UGT3A1: variants seen among roughly 807,000 people sequenced by gnomAD.
UGT3A1 encodes UDP-glycosyltransferase 3A1.
Under a neutral mutation model 37.6 loss-of-function variants are expected in UGT3A1, and 40 were observed. The ratio of observed to expected loss-of-function variants is 1.06; its 90% CI spans 0.83 to 1.38. UGT3A1 has a LOEUF of 1.38. Ranked by LOEUF, UGT3A1 falls within the 40% of genes most tolerant of loss-of-function variation. UGT3A1 has a pLI of 0.00. For synonymous variants in UGT3A1, 256 were observed against 232.3 expected (o/e 1.10, Z -0.93); for missense variants, 642 against 634.2 (o/e 1.01, Z -0.13).
At chr5:35,960,526 C>A (rs146925467) in intron 4 of UGT3A1, among the ~76,000 whole-genome samples, 1 of 152,264 alleles carries the variant, frequency 6.6e-6, no homozygotes, top group East Asian at 1.9e-4. Flanking sequence ...AGCATGCAGA[C>A]GGGCAGGTGC....
chr5:35,955,657 A>C lies in UGT3A1; in HGVS notation c.1283T>G (p.Ile428Arg), dbSNP rs1739322140. 5 of 1,614,082 alleles carry C rather than the reference A, an allele frequency of 3.1e-6. No homozygotes were observed. Among genetic ancestry groups the C allele is most frequent in the Non-Finnish European group, 4.2e-6 (5 of 1,180,046 alleles). Residue 428 changes from isoleucine to arginine, a missense_variant, in exon 6 of 7, where the codon ATA becomes AGA. Transcript: ENST00000274278. Reference protein sequence around the residue: ...DTLTLTMKQVIEDKRYKSAVV... With the variant: ...DTLTLTMKQVREDKRYKSAVV... ...GAGAGCCACATACCTCTTGTCTTCT[A>C]TGACTTGTTTCATTGTAAGTGTCAG...
At chr5:35,971,994 C>T (rs1464337490) in intron 2 of UGT3A1, among the ~76,000 whole-genome samples, 1 of 152,092 alleles carries the variant, frequency 6.6e-6, no homozygotes, top group Non-Finnish European at 1.5e-5. Context: ...ATGCCTACTG[C>T]CCACCCCTCC....
At chr5:35,974,967 A>C (rs1740203508) in intron 2 of UGT3A1, among the ~76,000 whole-genome samples, 1 of 152,246 alleles carries the variant, frequency 6.6e-6, no homozygotes, top group Non-Finnish European at 1.5e-5. Flanking sequence ...TAACTTAAAA[A>C]TTGGTGGCAA....
chr5:35,956,103 G>GCTGGAGA (rs1368906246), intron 5 of UGT3A1, among the ~76,000 whole-genome samples: 2 of 152,242 alleles, frequency 1.3e-5, no homozygotes, highest in Non-Finnish European at 2.9e-5. Flanking sequence ...TGCAGGGAAA[G>GCTGGAGA]CTGGAGAGAA....
Position 35,955,731 on chromosome 5 carries a change from G to A in UGT3A1, c.1209C>T (p.Ala403=). 6.2e-7 allele frequency: 1 copy of A among 1,614,134 alleles called. No homozygotes were observed. The highest frequency in any genetic ancestry group is 8.5e-7 in the Non-Finnish European group (1 of 1,180,030). ...DQHGNMVRVV[A]KNYGVSIRLN... ...ACCGGATAGAGACACCATAATTTTTGGCTACTACTCGGACCATGTTTCCAT... is the reference window on the plus strand; with the variant it reads ...ACCGGATAGAGACACCATAATTTTTAGCTACTACTCGGACCATGTTTCCAT... The change falls in exon 6 of 7, where the codon GCC becomes GCT. Residue 403 remains alanine (A), a synonymous_variant. Transcript: ENST00000274278.
At chr5:35,971,465 CA>C in intron 2 of UGT3A1, among the ~76,000 whole-genome samples, 1 of 53,230 alleles carries the variant, frequency 1.9e-5, no homozygotes, top group Middle Eastern at 0.011. Flanking sequence ...CACACGCATA[CA>C]CACACACACA....
intron 2 of UGT3A1, among the ~76,000 whole-genome samples, chr5:35,982,725 G>C (rs938220076): frequency 2.0e-5 from 3 of 152,184 alleles, no homozygotes; most frequent in African/African-American, 7.2e-5. Context: ...GTTTTGTTTT[G>C]AGTTGTAAGA....
chr5:35,964,584 G>A (rs1231104577), intron 4 of UGT3A1, among the ~76,000 whole-genome samples: 2 of 152,160 alleles, frequency 1.3e-5, no homozygotes, highest in South Asian at 2.1e-4. Flanking sequence ...GGGTCTCGTG[G>A]CCTCTGCACT....
chr5:35,984,664 G>A (rs1195553844), intron 2 of UGT3A1, among the ~76,000 whole-genome samples: 2 of 151,782 alleles, frequency 1.3e-5, no homozygotes, highest in Admixed American at 6.6e-5. Context: ...GTAGAGACAG[G>A]GTTTCGCCAT....
At position 35,954,428 on chromosome 5, in the gene UGT3A1, A is replaced by G. The variant is rs768343985; in HGVS notation, c.1346T>C (p.Leu449Pro). ...GCCCACCAGCCGCTGTGCGGGGCTC[A>G]GGGGCTGAGAGTGCAGGATGACACT... is the stretch of plus-strand genomic sequence containing the variant. ...AASVILHSQP[L>P]SPAQRLVGWI... Residue 449 changes from leucine (L) to proline (P), a missense_variant, in exon 7 of 7, where the codon CTG (leucine) becomes CCG (proline). By Grantham distance (98) the Leu-to-Pro change is moderately conservative. Coordinates refer to ENST00000274278, the MANE Select transcript of UGT3A1 (RefSeq NM_152404.4). The G allele has an allele frequency of 1.4e-5, 22 of 1,614,110 alleles. No individual in the cohort carries two copies. The highest frequency in any genetic ancestry group is 1.9e-5 in the Non-Finnish European group (22 of 1,180,054).
At chr5:35,991,806 C>T (rs1352656198), upstream of UGT3A1, among the ~76,000 whole-genome samples, 1 of 152,186 alleles carries the variant, frequency 6.6e-6, no homozygotes, top group East Asian at 1.9e-4. Flanking sequence ...GATCTACCCT[C>T]TCTGAGGGCC....
chr5:35,978,619 C>T (rs1211103361), intron 2 of UGT3A1, among the ~76,000 whole-genome samples: 2 of 152,106 alleles, frequency 1.3e-5, no homozygotes, highest in Admixed American at 6.6e-5. Context: ...CCCACCAGGT[C>T]CCTCCCATAA....
chr5:35,954,420 CGGGGCTCA>C lies in UGT3A1; in HGVS notation c.1346_1353del (p.Leu449ArgfsTer31), dbSNP rs759617870. 6.2e-7 allele frequency: 1 copy of C among 1,614,062 alleles called. No individual in the cohort carries two copies. Among genetic ancestry groups the C allele is most frequent in the African/African-American group, 1.3e-5 (1 of 74,940 alleles). ...TCGATCCAGCCCACCAGCCGCTGTG[CGGGGCTCA>C]GGGGCTGAGAGTGCAGGATGACACT... On this transcript the variant is annotated frameshift_variant, in exon 7 of 7. Coordinates refer to ENST00000274278, the MANE Select transcript of UGT3A1 (RefSeq NM_152404.4). LOFTEE classifies it low-confidence loss of function (END_TRUNC).
At chr5:35,991,430 T>C (rs1450334637), upstream of UGT3A1, 49 of 1,441,546 alleles carry the variant, frequency 3.4e-5, no homozygotes, top group Non-Finnish European at 4.3e-5. Context: ...CCTGGGTGCA[T>C]GCTCCATGGG....
At chr5:35,981,756 T>C (rs1436031922) in intron 2 of UGT3A1, among the ~76,000 whole-genome samples, 3 of 152,228 alleles carry the variant, frequency 2.0e-5, no homozygotes, top group Non-Finnish European at 4.4e-5. Flanking sequence ...CTGCAGAAGT[T>C]TGCATAAGTA....
rs970237890 is a variant in UGT3A1, at chr5:35,951,078, G to T, written c.*3124C>A. The T allele has an allele frequency of 6.6e-6, 1 of 151,710 alleles. No homozygotes were observed. The highest frequency in any genetic ancestry group is 1.5e-5 in the Non-Finnish European group (1 of 67,876). 9.4% of individuals were successfully genotyped at this position (151,710 alleles called of 1,614,324 possible). A position where few individuals can be genotyped will look rare whatever the true frequency, so the allele number is the denominator to read the frequency against. On this transcript the variant is annotated 3_prime_UTR_variant, in exon 7 of 7. Coordinates refer to ENST00000274278, the MANE Select transcript of UGT3A1 (RefSeq NM_152404.4). ...TATAGTAAAAGTACTGTGTTTAAAA[G>T]GTAATGATGCTAATTTTTTTCACTA... is the stretch of plus-strand genomic sequence containing the variant.
chr5:35,963,088 C>G (rs1739655309), intron 4 of UGT3A1: 1 of 622,810 alleles, frequency 1.6e-6, no homozygotes, highest in South Asian at 1.8e-5. Flanking sequence ...TTATGGATGC[C>G]ACCCACAGGT....
chr5:35,963,292 C>T (rs1739663938), intron 4 of UGT3A1, among the ~76,000 whole-genome samples: 1 of 152,206 alleles, frequency 6.6e-6, no homozygotes, highest in African/African-American at 2.4e-5. Context: ...TTACATTGTG[C>T]CTGTTGCCTG....
upstream of UGT3A1, chr5:35,991,395 G>GTTCTCT: frequency 1.4e-6 from 2 of 1,464,330 alleles, no homozygotes; most frequent in South Asian, 2.9e-5. Flanking sequence ...CCTTCTGTTC[G>GTTCTCT]TTCTCTTTCC....
Sources: allele counts gnomAD v4.1 joint callset (sites outside exome capture counted in the v4.1 genomes callset), GRCh38; gene constraint gnomAD v4.1.1; transcripts MANE v1.5; gene names NCBI Gene and HGNC (gene_info 2026-07-23, HGNC 2026-07-21).